Variants in C3orf20 observed in about 807,000 individuals in gnomAD.
The protein encoded by C3orf20 is family with sequence similarity 149 member C, also known as uncharacterized protein C3orf20.
Under a neutral mutation model 88.3 loss-of-function variants are expected in C3orf20, and 76 were observed. The ratio of observed to expected loss-of-function variants is 0.86; its 90% CI spans 0.72 to 1.04. The LOEUF is 1.04. Ranked by LOEUF, C3orf20 falls within the 50% of genes least tolerant of loss-of-function variation. The pLI is 0.00. For missense variants in C3orf20, 1,056 were observed against 1,123.3 expected (o/e 0.94, Z 0.86); for synonymous variants, 436 against 437.4 (o/e 1.00, Z 0.04).
At position 14,772,602 on chromosome 3, in the gene C3orf20, T is replaced by C. The variant is rs997526841; in HGVS notation, c.2631-189T>C. 9.2e-5 allele frequency among the ~76,000 whole-genome samples: 14 copies of C among 152,170 alleles called. No individual in the cohort carries two copies. The highest frequency in any genetic ancestry group is 3.1e-4 in the African/African-American group (13 of 41,448). On this transcript the variant is annotated intron_variant, in intron 16 of 16. Coordinates refer to ENST00000253697, the MANE Select transcript of C3orf20 (RefSeq NM_032137.5). This position sits in a 1 kb window ranked among gnomAD's most constrained non-coding sequence, Gnocchi z 4.2. Reference sequence around the variant, plus strand: ...GGAAATCACATATTTCTCATGAAGATAGAAAAGCAAAATTAGGAGCATGTA... The same window carrying C: ...GGAAATCACATATTTCTCATGAAGACAGAAAAGCAAAATTAGGAGCATGTA...
At position 14,714,124 on chromosome 3, in the gene C3orf20, A is replaced by G; in HGVS notation, c.1278A>G (p.Glu426=). The part of the protein sequence containing the change: ...GFSLLALFNT[E]GQGCVHYNLK... ...CCTTGCTGGCCCTATTCAATACTGAAGGCCAGGGCTGTGTTCACTACAACC... is the reference window on the plus strand; with the variant it reads ...CCTTGCTGGCCCTATTCAATACTGAGGGCCAGGGCTGTGTTCACTACAACC... Residue 426 remains glutamate, a synonymous_variant, in exon 8 of 17, where the codon GAA becomes GAG. Coordinates refer to ENST00000253697, the MANE Select transcript of C3orf20 (RefSeq NM_032137.5). The G allele has an allele frequency of 6.2e-7, 1 of 1,614,036 alleles. No individual in the cohort carries two copies. The highest frequency in any genetic ancestry group is 8.5e-7 in the Non-Finnish European group (1 of 1,180,004).
intron 14 of C3orf20, 101 bp downstream of exon 14, chr3:14,760,099 A>G (rs1304721536): frequency 2.2e-6 from 2 of 906,556 alleles, no homozygotes; most frequent in African/African-American, 1.6e-5. Flanking sequence ...AGAGAGGAGA[A>G]GAAGGGAGGG....
intron 5 of C3orf20, among the ~76,000 whole-genome samples, chr3:14,700,625 A>G (rs992616476): frequency 6.6e-6 from 1 of 152,180 alleles, no homozygotes; most frequent in Non-Finnish European, 1.5e-5. Flanking sequence ...ATCCATTGAC[A>G]CTGGGAAGTA....
At chr3:14,695,833 G>A (rs1467201509) in intron 5 of C3orf20, among the ~76,000 whole-genome samples, 1 of 152,008 alleles carries the variant, frequency 6.6e-6, no homozygotes, top group Non-Finnish European at 1.5e-5. Context: ...CCACTGGCAT[G>A]TAACATCTTT....
chr3:14,721,964 T>A (rs906577842), intron 10 of C3orf20, 180 bp downstream of exon 10: 5 of 693,726 alleles, frequency 7.2e-6, no homozygotes, highest in Non-Finnish European at 7.1e-6. Context: ...AAACTTCTTA[T>A]ATCAATTAAG....
chr3:14,756,749 T>C (rs941267175), intron 12 of C3orf20, among the ~76,000 whole-genome samples: 2 of 151,992 alleles, frequency 1.3e-5, no homozygotes, highest in Non-Finnish European at 2.9e-5. Flanking sequence ...GAGTAAGAGA[T>C]GTAAGGAGGA....
At chr3:14,738,640 T>A in intron 12 of C3orf20, among the ~76,000 whole-genome samples, 1 of 137,528 alleles carries the variant, frequency 7.3e-6, no homozygotes, top group African/African-American at 2.7e-5. Context: ...CTTTTTTTTT[T>A]TTTTTTTTTT....
chr3:14,692,520 A>G (rs1173009978), intron 5 of C3orf20, among the ~76,000 whole-genome samples: 1 of 152,090 alleles, frequency 6.6e-6, no homozygotes, highest in East Asian at 1.9e-4. Flanking sequence ...CTTTTCATAT[A>G]CCTATTTGCC....
chr3:14,757,027 G>A (rs2035394192), intron 12 of C3orf20, among the ~76,000 whole-genome samples: 1 of 152,174 alleles, frequency 6.6e-6, no homozygotes, highest in Non-Finnish European at 1.5e-5. Context: ...GGGAGGAAAA[G>A]TGGTCAGATT....
intron 10 of C3orf20, among the ~76,000 whole-genome samples, chr3:14,724,962 A>C (rs1042245963): frequency 6.6e-6 from 1 of 152,252 alleles, no homozygotes; most frequent in Non-Finnish European, 1.5e-5. Flanking sequence ...AGGGACAAAC[A>C]GACCAATACA....
At chr3:14,745,263 C>G (rs2035027227) in intron 12 of C3orf20, among the ~76,000 whole-genome samples, 2 of 152,134 alleles carry the variant, frequency 1.3e-5, no homozygotes, top group Non-Finnish European at 2.9e-5. Context: ...AGGTGCATGA[C>G]CCCACAGGGA....
chr3:14,683,144 T>C lies in C3orf20; in HGVS notation c.431T>C (p.Leu144Pro). 6.2e-7 allele frequency: 1 copy of C among 1,613,076 alleles called. No individual in the cohort carries two copies. Residue 144 changes from leucine to proline, a missense_variant, in exon 3 of 17, where the codon CTG becomes CCG. Coordinates refer to ENST00000253697, the MANE Select transcript of C3orf20 (RefSeq NM_032137.5). ...LNRFQQQSIHLLTELLRLKMK... is the reference protein window; with the variant it reads ...LNRFQQQSIHPLTELLRLKMK... Reference sequence around the variant, plus strand: ...AGGTTTCAGCAGCAGTCCATCCACCTGCTGACGGAGCTCCTCAGACTGAAG... The same window carrying C: ...AGGTTTCAGCAGCAGTCCATCCACCCGCTGACGGAGCTCCTCAGACTGAAG...
chr3:14,753,846 AT>A (rs1364878001), intron 12 of C3orf20, among the ~76,000 whole-genome samples: 1 of 152,198 alleles, frequency 6.6e-6, no homozygotes, highest in African/African-American at 2.4e-5. Context: ...TAGTGATTTG[AT>A]AGAGATTATC....
At position 14,682,743 on chromosome 3, in the gene C3orf20, A is replaced by T; in HGVS notation, c.30A>T (p.Leu10Phe). 1 of 1,613,306 alleles carries T rather than the reference A, an allele frequency of 6.2e-7. No homozygotes were observed. Among genetic ancestry groups the T allele is most frequent in the South Asian group, 1.1e-5 (1 of 90,968 alleles). Reference sequence around the variant, plus strand: ...GTTACATCAAGAGTAACCTAGAATTATATCAGCAATACACAGCCATGGCCC... The same window carrying T: ...GTTACATCAAGAGTAACCTAGAATTTTATCAGCAATACACAGCCATGGCCC... MSYIKSNLE[L>F]YQQYTAMAPK... The change falls in exon 3 of 17, where the codon TTA becomes TTT. Residue 10 changes from leucine (L) to phenylalanine (F), a missense_variant. Physicochemically the swap from Leu to Phe is conservative, Grantham distance 22. Transcript: ENST00000253697.
At position 14,764,062 on chromosome 3, in the gene C3orf20, G is replaced by T. The variant is rs191794475; in HGVS notation, c.2495+2447G>T. Among the ~76,000 whole-genome samples the T allele has an allele frequency of 2.2e-3, 330 of 151,712 alleles. 1 individual carries two copies. The highest frequency in any genetic ancestry group is 3.4e-3 in the Non-Finnish European group (228 of 67,902). On this transcript the variant is annotated intron_variant, in intron 15 of 16. Transcript: ENST00000253697. ...ACAAACTATAAACACATGTAAACCAGACACACATGTACACACATTAGATTC... is the reference window on the plus strand; with the variant it reads ...ACAAACTATAAACACATGTAAACCATACACACATGTACACACATTAGATTC...
intron 1 of C3orf20, among the ~76,000 whole-genome samples, chr3:14,675,778 C>CT: frequency 6.6e-6 from 1 of 152,252 alleles, no homozygotes. Flanking sequence ...GCAACCTCCA[C>CT]TCCCCGGGTT....
chr3:14,703,400 G>A (rs1380613942), intron 6 of C3orf20, 138 bp downstream of exon 6: 7 of 1,403,316 alleles, frequency 5.0e-6, no homozygotes, highest in East Asian at 2.3e-5. Context: ...TGGGTTATGT[G>A]GTACTCCCCA....
chr3:14,717,679 T>G (rs78050753), intron 9 of C3orf20, among the ~76,000 whole-genome samples: 1,632 of 152,290 alleles, frequency 0.011, 75 homozygotes, highest in East Asian at 0.087. Flanking sequence ...CATTACTCTC[T>G]GAAGATCCAA....
intron 11 of C3orf20, 80 bp from the exon 12 acceptor site, chr3:14,728,359 T>C: frequency 1.3e-6 from 2 of 1,572,124 alleles, no homozygotes; most frequent in Non-Finnish European, 1.7e-6. Flanking sequence ...AAGGTGCACT[T>C]AGATGTTTCC....
Sources: gnomAD v4.1 joint callset for allele counts (sites outside exome capture counted in the v4.1 genomes callset) on GRCh38, gnomAD v4.1.1 for gene constraint, Gnocchi (gnomAD v3.1) non-coding constraint, MANE v1.5 for transcripts, NCBI Gene and HGNC (gene_info 2026-07-23, HGNC 2026-07-21) for gene names.